The following UNC13C variants were observed in gnomAD, a reference collection of about 807,000 sequenced individuals.
UNC13C encodes unc-13 homolog C.
UNC13C carries 174 observed loss-of-function variants against 245.4 expected under a neutral mutation model. The ratio of observed to expected loss-of-function variants is 0.71; its 90% CI spans 0.63 to 0.80. UNC13C has a LOEUF of 0.80. Ranked by LOEUF, UNC13C falls within the 30% of genes least tolerant of loss-of-function variation. The pLI, the probability that UNC13C is intolerant of heterozygous loss-of-function variation, is 0.00. For synonymous variants in UNC13C, 992 were observed against 895.1 expected (o/e 1.11, Z -1.93); for missense variants, 2,829 against 2,602.9 (o/e 1.09, Z -1.89).
intron 23 of UNC13C, among the ~76,000 whole-genome samples, chr15:54,509,908 T>A (rs925346497): frequency 6.6e-6 from 1 of 152,178 alleles, no homozygotes; most frequent in South Asian, 2.1e-4. Flanking sequence ...TCCGGATAAC[T>A]GCATCTCCTC....
intron 30 of UNC13C, among the ~76,000 whole-genome samples, chr15:54,571,408 C>T (rs1326954145): frequency 1.3e-5 from 2 of 152,170 alleles, no homozygotes; most frequent in Non-Finnish European, 2.9e-5. Context: ...CCCTGTGATT[C>T]AATTACCTCT....
At chr15:54,509,636 A>G (rs1043800092) in intron 23 of UNC13C, among the ~76,000 whole-genome samples, 3 of 152,166 alleles carry the variant, frequency 2.0e-5, no homozygotes, top group African/African-American at 7.2e-5. Flanking sequence ...ACTAAACTCA[A>G]AAAGCAATAT....
At position 54,549,100 on chromosome 15, in the gene UNC13C, G is replaced by C. The variant is rs181956767; in HGVS notation, c.5821-535G>C. Among the ~76,000 whole-genome samples the C allele has an allele frequency of 1.1e-4, 16 of 152,204 alleles. 1 individual carries two copies. Among genetic ancestry groups the C allele is most frequent in the Admixed American group, 9.8e-4 (15 of 15,274 alleles). ...GACATGCCTCTAGTTTTTCATTCTA[G>C]TAAAGCATTGGATAGTTTATTCCAG... On this transcript the variant is annotated intron_variant, in intron 27 of 32. Coordinates refer to ENST00000260323, the MANE Select transcript of UNC13C (RefSeq NM_001080534.3).
intron 2 of UNC13C, among the ~76,000 whole-genome samples, chr15:54,038,431 C>T (rs528938198): frequency 1.1e-4 from 17 of 151,942 alleles, no homozygotes; most frequent in Admixed American, 8.5e-4. Flanking sequence ...CTGCTACTGG[C>T]CCCATTTGTA....
intron 19 of UNC13C, among the ~76,000 whole-genome samples, chr15:54,448,147 T>C (rs1890937967): frequency 6.6e-6 from 1 of 152,242 alleles, no homozygotes; most frequent in Non-Finnish European, 1.5e-5. Flanking sequence ...GACAGTTTGT[T>C]ATAATTTCTG....
At chr15:54,007,238 C>T (rs987274316) in intron 1 of UNC13C, among the ~76,000 whole-genome samples, 6 of 152,142 alleles carry the variant, frequency 3.9e-5, no homozygotes, top group African/African-American at 1.4e-4. Flanking sequence ...CGTAACACAA[C>T]TTAATGCAAA....
rs768916962 is a variant in UNC13C at position 54,014,104 on chromosome 15, G to T, written c.1201G>T (p.Gly401Cys). The T allele has an allele frequency of 6.2e-7, 1 of 1,613,656 alleles. No individual in the cohort carries two copies. The highest frequency in any genetic ancestry group is 1.7e-5 in the Admixed American group (1 of 59,922). ...AAAGTCATATAAACTCAAAGGAACA[G>T]GCATTGGAATCTCAACAGATATTCT... is the stretch of plus-strand genomic sequence containing the variant. ...LKKSYKLKGT[G>C]IGISTDILTH... Residue 401 changes from glycine to cysteine, a missense_variant, in exon 2 of 33, where the codon GGC (glycine) becomes TGC (cysteine). Coordinates refer to ENST00000260323, the MANE Select transcript of UNC13C (RefSeq NM_001080534.3).
At chr15:54,304,525 G>C (rs543603745) in intron 13 of UNC13C, among the ~76,000 whole-genome samples, 5 of 151,528 alleles carry the variant, frequency 3.3e-5, no homozygotes, top group South Asian at 2.1e-4. Flanking sequence ...CCTGACGTCC[G>C]TTTCCTCCCA....
chr15:54,287,556 C>T (rs1262680288), intron 10 of UNC13C, among the ~76,000 whole-genome samples: 3 of 152,068 alleles, frequency 2.0e-5, no homozygotes, highest in Non-Finnish European at 2.9e-5. Context: ...CTCAATTATC[C>T]CTTCAAAGAA....
At chr15:53,882,914 A>AGG in the UNC13C span, among the ~76,000 whole-genome samples, 14 of 152,156 alleles carry the variant, frequency 9.2e-5, 1 homozygote, top group Non-Finnish European at 2.1e-4. Context: ...AGGTAGGAGG[A>AGG]GGGAGAGAAG....
intron 2 of UNC13C, among the ~76,000 whole-genome samples, chr15:54,076,120 T>C (rs1162136041): frequency 6.7e-6 from 1 of 149,046 alleles, no homozygotes; most frequent in Non-Finnish European, 1.5e-5. Flanking sequence ...TATTTTTTTT[T>C]ATTATACTTT....
chr15:54,344,507 G>A (rs959899444), intron 17 of UNC13C, among the ~76,000 whole-genome samples: 5 of 152,088 alleles, frequency 3.3e-5, no homozygotes, highest in African/African-American at 1.2e-4. Context: ...GGGAATGCTT[G>A]GGGCTAAGCT....
chr15:54,444,212 C>T (rs183807649), intron 19 of UNC13C, among the ~76,000 whole-genome samples: 3 of 151,470 alleles, frequency 2.0e-5, no homozygotes, highest in African/African-American at 7.3e-5. Flanking sequence ...GTAAATATGA[C>T]TTCTCCTGCT....
intron 13 of UNC13C, among the ~76,000 whole-genome samples, chr15:54,315,181 C>G (rs539872848): frequency 1.4e-3 from 211 of 151,864 alleles, no homozygotes; most frequent in Non-Finnish European, 2.6e-3. Flanking sequence ...AAAATCAAAA[C>G]TCCTTGGCTA....
intron 18 of UNC13C, among the ~76,000 whole-genome samples, chr15:54,408,187 G>A (rs1380143946): frequency 1.2e-5 from 1 of 80,438 alleles, no homozygotes; most frequent in Non-Finnish European, 2.4e-5. Context: ...GTGACAGAGT[G>A]AGACTCTGCC....
At chr15:53,847,141 T>G in the UNC13C span, among the ~76,000 whole-genome samples, 1 of 152,144 alleles carries the variant, frequency 6.6e-6, no homozygotes, top group African/African-American at 2.4e-5. Context: ...AACAAACAGT[T>G]ATAGGGACTT....
At chr15:53,837,872 T>C in the UNC13C span, among the ~76,000 whole-genome samples, 5 of 152,154 alleles carry the variant, frequency 3.3e-5, no homozygotes, top group Non-Finnish European at 7.3e-5. Context: ...TTTATATGTG[T>C]TGATCAGTTT....
chr15:54,184,578 C>T (rs1037059978), intron 4 of UNC13C, among the ~76,000 whole-genome samples: 1 of 152,136 alleles, frequency 6.6e-6, no homozygotes, highest in Non-Finnish European at 1.5e-5. Flanking sequence ...TCATCCATGT[C>T]CCTACAAAGG....
intron 26 of UNC13C, among the ~76,000 whole-genome samples, chr15:54,544,252 T>C (rs1896382512): frequency 1.3e-5 from 2 of 152,106 alleles, no homozygotes; most frequent in Non-Finnish European, 2.9e-5. Flanking sequence ...CAGCCCTTGA[T>C]GCTAAAAAAA....
Sources: allele counts gnomAD v4.1 joint callset (sites outside exome capture counted in the v4.1 genomes callset), GRCh38; gene constraint gnomAD v4.1.1; transcripts MANE v1.5; gene names NCBI Gene and HGNC (gene_info 2026-07-23, HGNC 2026-07-21).